Variants in SMAD3 observed in about 807,000 individuals in gnomAD.
SMAD3 encodes the protein SMAD family member 3.
Under a neutral mutation model 51.8 loss-of-function variants are expected in SMAD3, and 12 were observed. The ratio of observed to expected loss-of-function variants is 0.23; its 90% CI spans 0.15 to 0.38. The LOEUF is 0.38. SMAD3 is among the 10% of genes least tolerant of loss of function. SMAD3 has a pLI of 1.00. For synonymous variants in SMAD3, 238 were observed against 227.7 expected, an observed-to-expected ratio of 1.05 and a Z score of -0.41; for missense variants, 294 against 565.6, an observed-to-expected ratio of 0.52 and a Z score of 4.87.
chr15:67,088,186 C>A (rs1326793850), intron 1 of SMAD3, among the ~76,000 whole-genome samples: 1 of 152,196 alleles, frequency 6.6e-6, no homozygotes, highest in Admixed American at 6.5e-5. Context: ...TTTCTGTAGT[C>A]CCAAACCTGG....
intron 1 of SMAD3, among the ~76,000 whole-genome samples, chr15:67,105,056 C>T (rs1448743421): frequency 6.6e-6 from 1 of 152,244 alleles, no homozygotes; most frequent in Non-Finnish European, 1.5e-5. Flanking sequence ...ATCTCACCTC[C>T]CTGAACAGGA....
At chr15:67,109,391 G>A (rs1960951188) in intron 1 of SMAD3, among the ~76,000 whole-genome samples, 1 of 152,134 alleles carries the variant, frequency 6.6e-6, no homozygotes, top group Non-Finnish European at 1.5e-5. Context: ...CTGTAAAATG[G>A]GTAGAAGGTC....
At chr15:67,159,262 G>A (rs577078849) in intron 1 of SMAD3, among the ~76,000 whole-genome samples, 5 of 151,962 alleles carry the variant, frequency 3.3e-5, no homozygotes, top group Admixed American at 1.3e-4. Context: ...GTAGAGATGG[G>A]GTTTCACCAT....
At chr15:67,100,580 A>C (rs1960731593) in intron 1 of SMAD3, among the ~76,000 whole-genome samples, 1 of 152,118 alleles carries the variant, frequency 6.6e-6, no homozygotes, top group Non-Finnish European at 1.5e-5. Context: ...ATATATTGTG[A>C]TATACTGTGA....
chr15:67,127,788 C>T (rs1183553628), intron 1 of SMAD3, among the ~76,000 whole-genome samples: 1 of 152,146 alleles, frequency 6.6e-6, no homozygotes, highest in East Asian at 1.9e-4. Flanking sequence ...GGGCTCAGGG[C>T]CTTTCTCCCC....
At chr15:67,129,921 C>T (rs1961481788) in intron 1 of SMAD3, among the ~76,000 whole-genome samples, 2 of 152,186 alleles carry the variant, frequency 1.3e-5, no homozygotes, top group Admixed American at 1.3e-4. Context: ...CCATATTGGA[C>T]ACCACAGCTA....
intron 1 of SMAD3, among the ~76,000 whole-genome samples, chr15:67,091,349 C>T (rs961003615): frequency 1.1e-4 from 16 of 152,216 alleles, no homozygotes; most frequent in Admixed American, 2.0e-4. Context: ...TGGCTGAAGG[C>T]GGTTTGGGGT....
At chr15:67,098,681 A>C (rs1033160398) in intron 1 of SMAD3, 1 of 566,750 alleles carries the variant, frequency 1.8e-6, no homozygotes, top group Non-Finnish European at 3.2e-6. Context: ...AATTAAAGAA[A>C]ACAAGCTTCG....
At chr15:67,092,477 A>T (rs1809059403) in intron 1 of SMAD3, among the ~76,000 whole-genome samples, 1 of 152,206 alleles carries the variant, frequency 6.6e-6, no homozygotes, top group South Asian at 2.1e-4. Flanking sequence ...AGGAATGCAG[A>T]GTCTCAGGCC....
intron 1 of SMAD3, among the ~76,000 whole-genome samples, chr15:67,162,946 G>GTGATGA (rs57597599): frequency 0.062 from 8,968 of 145,372 alleles, 312 homozygotes; most frequent in Admixed American, 0.092. Flanking sequence ...GTAGGTTTCT[G>GTGATGA]TGATGATGAT....
chr15:67,097,725 G>A (rs956434601), intron 1 of SMAD3, among the ~76,000 whole-genome samples: 56 of 152,280 alleles, frequency 3.7e-4, no homozygotes, highest in African/African-American at 1.3e-3. Context: ...CTGAATCAAT[G>A]CTAGCAATGG....
intron 1 of SMAD3, among the ~76,000 whole-genome samples, chr15:67,116,836 G>C (rs751141971): frequency 2.4e-4 from 36 of 152,268 alleles, no homozygotes; most frequent in South Asian, 8.3e-4. Context: ...CCAGCTTTCT[G>C]CTTGATGGTT....
chr15:67,074,846 T>C (rs7178381), intron 1 of SMAD3, among the ~76,000 whole-genome samples: 70,253 of 151,944 alleles, frequency 0.46, 16,545 homozygotes, highest in South Asian at 0.66. Context: ...CCCGCCACCA[T>C]GCCCAGCTAA....
Position 67,190,828 on chromosome 15 carries a change from G to C in SMAD3, c.*292G>C. ...CAGAACAGGTAGTATTACACCACCG[G>C]CCCCCTCCCCCCAGACTCTTTTTTT... On this transcript the variant is annotated 3_prime_UTR_variant, in exon 9 of 9. Transcript: ENST00000327367. 2.1e-6 allele frequency: 1 copy of C among 468,556 alleles called. No individual in the cohort carries two copies. The highest frequency in any genetic ancestry group is 3.4e-5 in the Admixed American group (1 of 29,654). The allele number at this position is 468,556 out of a possible 1,614,324, so 29.0% of individuals were successfully genotyped here. A position where few individuals can be genotyped will look rare whatever the true frequency, so the allele number is the denominator to read the frequency against.
intron 6 of SMAD3, among the ~76,000 whole-genome samples, chr15:67,183,057 G>A (rs1348446261): frequency 8.7e-5 from 9 of 103,392 alleles, no homozygotes; most frequent in East Asian, 3.1e-4. Context: ...TTTTTGGAGC[G>A]GGGAGACCAA....
chr15:67,190,363 C>G (rs757202368), intron 8 of SMAD3, 50 bp from the exon 9 acceptor site: 3 of 1,575,746 alleles, frequency 1.9e-6, no homozygotes, highest in Non-Finnish European at 1.7e-6. Flanking sequence ...GTGTAACCCC[C>G]TGGAGATTTT....
intron 4 of SMAD3, among the ~76,000 whole-genome samples, chr15:67,168,402 G>A (rs1213416123): frequency 3.3e-5 from 5 of 152,208 alleles, no homozygotes; most frequent in Admixed American, 6.5e-5. Context: ...GGAATGCATC[G>A]AAGACCTTCC....
rs777488932 is a variant in SMAD3, at chr15:67,066,388, G to C, written c.206+28G>C. ...GGGGGCCCGCCCGGGGGGGACCCGG[G>C]GTCACGCCGGCCCAGCCCCCTGGCA... is the stretch of plus-strand genomic sequence containing the variant. On this transcript the variant is annotated intron_variant, in intron 1 of 8. Transcript: ENST00000327367. 6 of 1,593,174 alleles carry C rather than the reference G, an allele frequency of 3.8e-6. No homozygotes were observed. The African/African-American group carries it at 4.0e-5, about 11-fold the overall frequency.
At chr15:67,187,610 C>A (rs548144398) in intron 8 of SMAD3, 101 bp downstream of exon 8, 2 of 1,449,824 alleles carry the variant, frequency 1.4e-6, no homozygotes, top group Non-Finnish European at 1.9e-6. Flanking sequence ...CCAGCCCTAG[C>A]GTCAAGAGCA....
Sources: allele counts gnomAD v4.1 joint callset (sites outside exome capture counted in the v4.1 genomes callset), GRCh38; gene constraint gnomAD v4.1.1; transcripts MANE v1.5; gene names NCBI Gene and HGNC (gene_info 2026-07-23, HGNC 2026-07-21).